The following HTR4 variants were observed in gnomAD, a reference collection of about 807,000 sequenced individuals.
HTR4 encodes the protein 5-hydroxytryptamine receptor 4.
A neutral mutation model predicts 36.8 loss-of-function variants in HTR4; 16 were observed. That is an observed-to-expected ratio of 0.43 (90% confidence interval 0.29 to 0.66). The LOEUF is 0.66. Ranked by LOEUF, HTR4 falls within the 30% of genes least tolerant of loss-of-function variation. HTR4 has a pLI of 0.13. For synonymous variants in HTR4, 189 were observed against 185.1 expected, an observed-to-expected ratio of 1.02 and a Z score of -0.17; for missense variants, 438 against 490.9, an observed-to-expected ratio of 0.89 and a Z score of 1.02.
At chr5:148,597,564 C>G (rs1761827875) in intron 2 of HTR4, among the ~76,000 whole-genome samples, 1 of 152,136 alleles carries the variant, frequency 6.6e-6, no homozygotes, top group Admixed American at 6.5e-5. Context: ...CATATTCACT[C>G]CTTTTCAATT....
At chr5:148,484,412 A>G in intron 6 of HTR4, 1 of 1,590,718 alleles carries the variant, frequency 6.3e-7, no homozygotes, top group Non-Finnish European at 8.6e-7. Context: ...GGCATGAATT[A>G]TTATACAACA....
chr5:148,509,241 T>G, intron 6 of HTR4: 1 of 507,864 alleles, frequency 2.0e-6, no homozygotes, highest in Non-Finnish European at 3.5e-6. Flanking sequence ...GTCACAGAAC[T>G]ATGGGGACTT....
intron 6 of HTR4, among the ~76,000 whole-genome samples, chr5:148,493,905 A>T (rs1396851075): frequency 6.6e-6 from 1 of 152,180 alleles, no homozygotes; most frequent in Non-Finnish European, 1.5e-5. Flanking sequence ...TACAATTGTA[A>T]CCTCTAAAGT....
Position 148,482,618 on chromosome 5 carries a change from A to G in HTR4, c.*585T>C. ...GGGACTGACAAGGGGGCCAACCAAGAGGATGCACGTTTGGACCCAGACACA... is the reference window on the plus strand; with the variant it reads ...GGGACTGACAAGGGGGCCAACCAAGGGGATGCACGTTTGGACCCAGACACA... On this transcript the variant is annotated 3_prime_UTR_variant, in exon 7 of 7. Coordinates refer to ENST00000377888, the MANE Select transcript of HTR4 (RefSeq NM_000870.7). The G allele has an allele frequency of 2.0e-6, 2 of 987,690 alleles. No individual in the cohort carries two copies. Among genetic ancestry groups the G allele is most frequent in the Non-Finnish European group, 2.4e-6 (2 of 831,316 alleles). 61.2% of individuals were successfully genotyped at this position (987,690 alleles called of 1,614,324 possible). A position where few individuals can be genotyped will look rare whatever the true frequency, so the allele number is the denominator to read the frequency against.
chr5:148,555,127 C>T (rs1029242240), intron 2 of HTR4, among the ~76,000 whole-genome samples: 29 of 152,066 alleles, frequency 1.9e-4, no homozygotes, highest in Non-Finnish European at 1.5e-4. Context: ...GTACAGGGCT[C>T]CTATATTGGG....
At chr5:148,650,005 G>A (rs1449540948) in intron 1 of HTR4, among the ~76,000 whole-genome samples, 2 of 150,840 alleles carry the variant, frequency 1.3e-5, no homozygotes, top group Non-Finnish European at 2.9e-5. Flanking sequence ...GAAACTTTGG[G>A]AGTGAGGACC....
chr5:148,619,359 G>T (rs971076575), intron 2 of HTR4, among the ~76,000 whole-genome samples: 1 of 152,090 alleles, frequency 6.6e-6, no homozygotes, highest in Non-Finnish European at 1.5e-5. Context: ...AACACTGCCT[G>T]TTCAAAGAAA....
intron 5 of HTR4, among the ~76,000 whole-genome samples, chr5:148,469,861 C>A (rs972288554): frequency 1.3e-5 from 2 of 152,154 alleles, no homozygotes; most frequent in African/African-American, 4.8e-5. Flanking sequence ...CACATTGGTC[C>A]AGAATGCAAA....
At position 148,561,482 on chromosome 5, in the gene HTR4, C is replaced by G. The variant is rs555166851; in HGVS notation, c.27-11220G>C. ...AAATAATAGTGCTAGTCAATTAGAC[C>G]TCAGAGGTGGTCTCTCTTTAAGAAA... On this transcript the variant is annotated intron_variant, in intron 2 of 6. Coordinates refer to ENST00000377888, the MANE Select transcript of HTR4 (RefSeq NM_000870.7). Among the ~76,000 whole-genome samples the G allele has an allele frequency of 3.4e-4, 52 of 152,254 alleles. No individual in the cohort carries two copies. The South Asian group carries it at 8.3e-3, about 24-fold the overall frequency.
chr5:148,617,922 T>C (rs72837412), intron 2 of HTR4, among the ~76,000 whole-genome samples: 4,046 of 152,232 alleles, frequency 0.027, 84 homozygotes, highest in African/African-American at 0.05. Flanking sequence ...GCTGAATGCA[T>C]AGTGGAAGTC....
At chr5:148,605,671 T>C (rs1456441086) in intron 2 of HTR4, among the ~76,000 whole-genome samples, 2 of 151,980 alleles carry the variant, frequency 1.3e-5, no homozygotes, top group Non-Finnish European at 2.9e-5. Flanking sequence ...AAATTATCTA[T>C]GGCCCTGAAG....
chr5:148,451,280 G>A, intron 5 of HTR4: 2 of 1,613,670 alleles, frequency 1.2e-6, no homozygotes, highest in Non-Finnish European at 1.7e-6. Flanking sequence ...TACCTAGAAA[G>A]GAAGGAAAGA....
chr5:148,571,294 A>G (rs1426632123), intron 2 of HTR4, among the ~76,000 whole-genome samples: 1 of 152,098 alleles, frequency 6.6e-6, no homozygotes, highest in Non-Finnish European at 1.5e-5. Flanking sequence ...TCACCTACAT[A>G]CAACATGTCT....
Position 148,532,103 on chromosome 5 carries a change from A to G in HTR4, c.354-8757T>C, listed in dbSNP as rs1232546974. Among the ~76,000 whole-genome samples the G allele has an allele frequency of 4.6e-5, 7 of 152,282 alleles. No homozygotes were observed. The South Asian group carries it at 6.2e-4, about 14-fold the overall frequency. ...AGGAGTGGAGCTCCTTGTCCTCTGT[A>G]TGTGCTATAACATGTCGTTATCTCT... On this transcript the variant is annotated intron_variant, in intron 4 of 6. Coordinates refer to ENST00000377888, the MANE Select transcript of HTR4 (RefSeq NM_000870.7).
At chr5:148,545,067 G>A (rs983780691) in intron 4 of HTR4, among the ~76,000 whole-genome samples, 1 of 152,206 alleles carries the variant, frequency 6.6e-6, no homozygotes, top group Admixed American at 6.5e-5. Context: ...AGAGCTAGAT[G>A]ATAAATAAAA....
chr5:148,457,284 A>G (rs1206334674), intron 5 of HTR4, among the ~76,000 whole-genome samples: 1 of 152,128 alleles, frequency 6.6e-6, no homozygotes. Context: ...TAATTAAAAA[A>G]CACTGCTGTT....
intron 2 of HTR4, among the ~76,000 whole-genome samples, chr5:148,595,611 CTTTT>C (rs1761736820): frequency 6.6e-6 from 1 of 152,032 alleles, no homozygotes; most frequent in Non-Finnish European, 1.5e-5. Flanking sequence ...TATTTGTGTT[CTTTT>C]AATTTATATA....
chr5:148,644,336 C>G (rs554644218), intron 1 of HTR4, among the ~76,000 whole-genome samples: 1 of 145,630 alleles, frequency 6.9e-6, no homozygotes, highest in Admixed American at 7.0e-5. Context: ...TAAAAGGATT[C>G]AAATAGGTGC....
intron 2 of HTR4, among the ~76,000 whole-genome samples, chr5:148,626,892 A>T (rs1255286681): frequency 6.6e-6 from 1 of 152,100 alleles, no homozygotes; most frequent in Non-Finnish European, 1.5e-5. Flanking sequence ...TTCTATAGAC[A>T]TTTTTTTACC....
Sources: gnomAD v4.1 joint callset for allele counts (sites outside exome capture counted in the v4.1 genomes callset) on GRCh38, gnomAD v4.1.1 for gene constraint, MANE v1.5 for transcripts, NCBI Gene and HGNC (gene_info 2026-07-23, HGNC 2026-07-21) for gene names.